The following ARHGAP10 variants were observed in gnomAD, a reference collection of about 807,000 sequenced individuals.
ARHGAP10 encodes Rho GTPase activating protein 10.
Under a neutral mutation model 108.6 loss-of-function variants are expected in ARHGAP10, and 87 were observed. That is an observed-to-expected ratio of 0.80 (90% CI 0.67 to 0.96). The LOEUF (loss-of-function observed/expected upper bound fraction) is 0.96. ARHGAP10 is among the 40% of genes least tolerant of loss of function. The probability of loss-of-function intolerance (pLI) is 0.00; values close to 1 mark genes in which losing one functional copy is unlikely to be tolerated. For missense variants in ARHGAP10, 939 were observed against 954.5 expected (o/e 0.98, Z 0.21); for synonymous variants, 347 against 341.1 (o/e 1.02, Z -0.19).
At chr4:147,733,215 G>A (rs1728292258) in intron 1 of ARHGAP10, among the ~76,000 whole-genome samples, 1 of 152,202 alleles carries the variant, frequency 6.6e-6, no homozygotes, top group Admixed American at 6.5e-5. Context: ...CTCGGAAGAA[G>A]ACACGAGATA....
At chr4:147,962,746 C>T (rs967101795) in intron 16 of ARHGAP10, among the ~76,000 whole-genome samples, 5 of 152,074 alleles carry the variant, frequency 3.3e-5, no homozygotes, top group Non-Finnish European at 4.4e-5. Context: ...GTGCTGCAAC[C>T]TCCGCCTCCT....
intron 10 of ARHGAP10, among the ~76,000 whole-genome samples, chr4:147,893,063 A>AT (rs57114670): frequency 1.2e-4 from 18 of 147,242 alleles, no homozygotes; most frequent in East Asian, 9.9e-4. Context: ...ATGGAAGTAA[A>AT]TTTTTTTTTT....
intron 1 of ARHGAP10, among the ~76,000 whole-genome samples, chr4:147,801,913 A>G (rs1202510294): frequency 6.6e-6 from 1 of 152,226 alleles, no homozygotes; most frequent in African/African-American, 2.4e-5. Context: ...ATTTTACAGA[A>G]AATGGAGCCG....
chr4:147,928,799 T>C (rs558744007), intron 13 of ARHGAP10, among the ~76,000 whole-genome samples: 1 of 152,386 alleles, frequency 6.6e-6, no homozygotes, highest in East Asian at 1.9e-4. Flanking sequence ...CCTGGCTATT[T>C]TGAAATTAAT....
At chr4:147,739,578 AG>A (rs1191628878) in intron 1 of ARHGAP10, among the ~76,000 whole-genome samples, 2 of 152,184 alleles carry the variant, frequency 1.3e-5, no homozygotes, top group South Asian at 4.1e-4. Context: ...TCACAATAAA[AG>A]AAGACGACCA....
At chr4:147,891,789 T>C (rs966233657) in intron 10 of ARHGAP10, among the ~76,000 whole-genome samples, 1 of 152,120 alleles carries the variant, frequency 6.6e-6, no homozygotes, top group African/African-American at 2.4e-5. Context: ...GTTGGAGACA[T>C]TGTATTTTGT....
At chr4:147,748,344 A>G (rs1173443802) in intron 1 of ARHGAP10, among the ~76,000 whole-genome samples, 1 of 152,136 alleles carries the variant, frequency 6.6e-6, no homozygotes. Context: ...GATTGCTCGG[A>G]CAGAATGCCA....
At chr4:148,020,078 G>A (rs1741508592) in intron 18 of ARHGAP10, among the ~76,000 whole-genome samples, 1 of 152,284 alleles carries the variant, frequency 6.6e-6, no homozygotes, top group South Asian at 2.1e-4. Flanking sequence ...TCCTTTGAAT[G>A]TCATGTCAGC....
At chr4:147,912,876 A>C (rs1053262289) in intron 12 of ARHGAP10, among the ~76,000 whole-genome samples, 198 bp from the exon 13 acceptor site, 4 of 151,842 alleles carry the variant, frequency 2.6e-5, no homozygotes, top group African/African-American at 9.7e-5. Flanking sequence ...AGGAACTCCC[A>C]GACTCAAGTG....
At chr4:147,989,649 CAG>C (rs1740191499) in intron 18 of ARHGAP10, among the ~76,000 whole-genome samples, 1 of 152,192 alleles carries the variant, frequency 6.6e-6, no homozygotes, top group Non-Finnish European at 1.5e-5. Context: ...CACCGGCGGT[CAG>C]AGTTTAAGGT....
rs775414080 is a variant in ARHGAP10 at position 147,879,228 on chromosome 4, G to GA, written c.833-2dup. 2 of 1,603,926 alleles carry GA rather than the reference G, an allele frequency of 1.2e-6. No individual in the cohort carries two copies. The highest frequency in any genetic ancestry group is 1.7e-6 in the Non-Finnish European group (2 of 1,176,968). The stretch of plus-strand genomic sequence containing the variant: ...AAATATAAAGGGCTGTTTTTTTGTT[G>GA]AAGGGCCTGCTCCGTTTGGTTCCAG... On this transcript the variant is annotated splice_polypyrimidine_tract_variant and splice_region_variant and intron_variant, in intron 8 of 22. Transcript: ENST00000336498.
At chr4:147,779,494 C>T (rs891413015) in intron 1 of ARHGAP10, among the ~76,000 whole-genome samples, 1 of 152,058 alleles carries the variant, frequency 6.6e-6, no homozygotes, top group Non-Finnish European at 1.5e-5. Context: ...CAAGCTGTAG[C>T]ATAGTGCAGT....
intron 18 of ARHGAP10, among the ~76,000 whole-genome samples, chr4:147,987,684 G>A (rs993151591): frequency 6.6e-6 from 1 of 152,234 alleles, no homozygotes; most frequent in African/African-American, 2.4e-5. Context: ...TGGGGAGACT[G>A]AGCCAGTTAC....
intron 5 of ARHGAP10, among the ~76,000 whole-genome samples, chr4:147,858,898 C>T (rs1560794498): frequency 6.6e-6 from 1 of 152,210 alleles, no homozygotes; most frequent in African/African-American, 2.4e-5. Flanking sequence ...TTTGGAGTCA[C>T]CTTGGCCCTT....
intron 3 of ARHGAP10, among the ~76,000 whole-genome samples, chr4:147,841,704 C>G (rs1043462088): frequency 3.3e-5 from 5 of 152,042 alleles, no homozygotes; most frequent in African/African-American, 9.7e-5. Context: ...TTATTGGCTT[C>G]TTTATTATTT....
At chr4:148,023,474 C>T (rs1244570036) in intron 19 of ARHGAP10, 61 bp downstream of exon 19, 19 of 1,525,816 alleles carry the variant, frequency 1.2e-5, no homozygotes, top group Admixed American at 1.1e-4. Flanking sequence ...TATCATATGT[C>T]GTCAGGGCAG....
intron 1 of ARHGAP10, among the ~76,000 whole-genome samples, chr4:147,811,148 A>T (rs752917647): frequency 6.6e-6 from 1 of 152,100 alleles, no homozygotes; most frequent in Non-Finnish European, 1.5e-5. Context: ...TTAATAAGGG[A>T]CTTCTTTTAT....
rs114470728 is a variant in ARHGAP10, at chr4:147,829,955, G to A, written c.312+6998G>A. ...GAAGCGGGAGTGCCAGGAGAGAGAA[G>A]GTGGAGCTTGCCTGATGGTGCACAA... On this transcript the variant is annotated intron_variant, in intron 3 of 22. Transcript: ENST00000336498. Among the ~76,000 whole-genome samples, 932 of 152,284 alleles carry A rather than the reference G, an allele frequency of 6.1e-3. 9 individuals are homozygous for A. Among genetic ancestry groups the A allele is most frequent in the African/African-American group, 0.022 (900 of 41,548 alleles).
intron 10 of ARHGAP10, among the ~76,000 whole-genome samples, chr4:147,903,005 G>A (rs959199337): frequency 6.6e-6 from 1 of 152,080 alleles, no homozygotes; most frequent in Non-Finnish European, 1.5e-5. Context: ...CAAGAAGGGG[G>A]AAGTCTACCC....
Sources: allele counts gnomAD v4.1 joint callset (sites outside exome capture counted in the v4.1 genomes callset), GRCh38; gene constraint gnomAD v4.1.1; transcripts MANE v1.5; gene names NCBI Gene and HGNC (gene_info 2026-07-23, HGNC 2026-07-21).